The following TSHR variants were observed in gnomAD, a reference collection of about 807,000 sequenced individuals.
TSHR encodes thyrotropin receptor.
A neutral mutation model predicts 64.1 loss-of-function variants in TSHR; 51 were observed. The ratio of observed to expected loss-of-function variants is 0.80; its 90% CI spans 0.64 to 1.01. The LOEUF is 1.01. TSHR is among the 50% of genes least tolerant of loss of function. The probability of loss-of-function intolerance (pLI) is 0.00; values close to 1 mark genes in which losing one functional copy is unlikely to be tolerated. For synonymous variants in TSHR, 361 were observed against 361.9 expected, an observed-to-expected ratio of 1.00 and a Z score of 0.03; for missense variants, 877 against 942.8, an observed-to-expected ratio of 0.93 and a Z score of 0.91.
At chr14:81,134,717 C>T (rs1056040987) in intron 8 of TSHR, among the ~76,000 whole-genome samples, 1 of 151,998 alleles carries the variant, frequency 6.6e-6, no homozygotes, top group African/African-American at 2.4e-5. Context: ...GTCTGATGGA[C>T]CAGGAGGTGC....
At chr14:80,979,260 G>GAAGCATCATGCATATGTGGAGTC (rs1888048088) in intron 1 of TSHR, among the ~76,000 whole-genome samples, 1 of 79,850 alleles carries the variant, frequency 1.3e-5, no homozygotes, top group African/African-American at 4.4e-5. Flanking sequence ...TGATCTCGTA[G>GAAGCATCATGCATATGTGGAGTC]AAGCATCATG....
At chr14:81,008,396 T>C (rs545066648) in intron 1 of TSHR, among the ~76,000 whole-genome samples, 2 of 152,198 alleles carry the variant, frequency 1.3e-5, no homozygotes, top group Admixed American at 6.5e-5. Context: ...ATGGTCTCCA[T>C]CTCCTGACTT....
At chr14:80,966,674 G>A (rs977734229) in intron 1 of TSHR, among the ~76,000 whole-genome samples, 1 of 152,156 alleles carries the variant, frequency 6.6e-6, no homozygotes, top group Non-Finnish European at 1.5e-5. Context: ...TGAAGGAAGA[G>A]GGAGAAGGAA....
Position 80,955,816 on chromosome 14 carries a change from C to T in TSHR, c.136C>T (p.Arg46Cys), listed in dbSNP as rs1276734165. The T allele has an allele frequency of 6.2e-7, 1 of 1,614,106 alleles. No homozygotes were observed. Among genetic ancestry groups the T allele is most frequent in the Non-Finnish European group, 8.5e-7 (1 of 1,180,050 alleles). ...CAGAGTCACCTGCAAGGATATTCAA[C>T]GCATCCCCAGCTTACCGCCCAGTAC... ...DFRVTCKDIQ[R>C]IPSLPPSTQT... Residue 46 changes from arginine (R) to cysteine (C), a missense_variant, in exon 1 of 10, where the codon CGC (arginine) becomes TGC (cysteine). Transcript: ENST00000298171.
At chr14:81,133,775 C>A (rs1891343537) in intron 8 of TSHR, among the ~76,000 whole-genome samples, 1 of 152,104 alleles carries the variant, frequency 6.6e-6, no homozygotes, top group Admixed American at 6.6e-5. Context: ...CCAAGATACA[C>A]AAATGGCGGG....
chr14:81,096,232 G>A (rs182768112), intron 6 of TSHR, among the ~76,000 whole-genome samples: 17 of 152,168 alleles, frequency 1.1e-4, no homozygotes, highest in South Asian at 4.2e-4. Context: ...AAAAACATAC[G>A]CATTCAGATG....
intron 8 of TSHR, among the ~76,000 whole-genome samples, chr14:81,132,947 A>C (rs1006333427): frequency 4.6e-5 from 7 of 152,154 alleles, no homozygotes; most frequent in Admixed American, 1.3e-4. Flanking sequence ...ACCAAATAAA[A>C]CTTTGGGTGA....
intron 8 of TSHR, among the ~76,000 whole-genome samples, chr14:81,109,598 T>C (rs1318760434): frequency 6.6e-6 from 1 of 152,176 alleles, no homozygotes; most frequent in East Asian, 1.9e-4. Context: ...CCCTCAGGTG[T>C]CAGGTAGGGG....
In TSHR at chr14:81,144,420, C is replaced by A; in HGVS notation, c.*67C>A. On this transcript the variant is annotated 3_prime_UTR_variant, in exon 10 of 10. Transcript: ENST00000298171. Reference sequence around the variant, plus strand: ...ATAATAGTTTCTTGAATATGCATTCCAATCCCATGACACCCCCAACACATA... The same window carrying A: ...ATAATAGTTTCTTGAATATGCATTCAAATCCCATGACACCCCCAACACATA... 1 of 1,518,414 alleles carries A rather than the reference C, an allele frequency of 6.6e-7. No individual in the cohort carries two copies. The highest frequency in any genetic ancestry group is 9.1e-7 in the Non-Finnish European group (1 of 1,100,984). 94.1% of individuals were successfully genotyped at this position (1,518,414 alleles called of 1,614,324 possible). A position where few individuals can be genotyped will look rare whatever the true frequency, so the allele number is the denominator to read the frequency against.
At chr14:81,096,831 A>AGGTTCT in intron 7 of TSHR, 124 bp downstream of exon 7, 1 of 1,103,042 alleles carries the variant, frequency 9.1e-7, no homozygotes, top group African/African-American at 1.6e-5. Flanking sequence ...TAGTGTGACC[A>AGGTTCT]ACATGGAAAT....
chr14:81,108,098 G>A (rs1266041959), intron 7 of TSHR, among the ~76,000 whole-genome samples: 1 of 151,900 alleles, frequency 6.6e-6, no homozygotes, highest in East Asian at 1.9e-4. Context: ...TGAAAAATAG[G>A]GAATTAAAAC....
chr14:80,955,979 T>C, intron 1 of TSHR, 129 bp downstream of exon 1: 1 of 1,119,506 alleles, frequency 8.9e-7, no homozygotes. Context: ...TGTGAGTGAA[T>C]GTCTGTGTGT....
chr14:81,089,536 T>C (rs1327553254), intron 4 of TSHR, among the ~76,000 whole-genome samples: 1 of 152,100 alleles, frequency 6.6e-6, no homozygotes, highest in Non-Finnish European at 1.5e-5. Context: ...GTTGAGGAGA[T>C]GTGTATGAAA....
In TSHR at chr14:81,087,780, A is replaced by G. The variant is rs1009765790; in HGVS notation, c.318-174A>G. On this transcript the variant is annotated intron_variant, in intron 3 of 9. Transcript: ENST00000298171. ...AGCCATTGGGTCCCCGTGAGGAGAC[A>G]GGAGTAGTTTGTCATTGATGGGACC... 1.2e-5 allele frequency: 8 copies of G among 683,028 alleles called. No individual in the cohort carries two copies. The African/African-American group carries it at 1.2e-4, about 11-fold the overall frequency. The allele number at this position is 683,028 out of a possible 1,614,324, so 42.3% of individuals were successfully genotyped here.
intron 1 of TSHR, among the ~76,000 whole-genome samples, chr14:80,980,093 G>A (rs181357784): frequency 2.0e-3 from 306 of 152,168 alleles, no homozygotes; most frequent in Middle Eastern, 3.4e-3. Flanking sequence ...TATTATTTCA[G>A]CCACTTTGAA....
chr14:80,986,461 C>T (rs1888451459), intron 1 of TSHR, among the ~76,000 whole-genome samples: 1 of 148,280 alleles, frequency 6.7e-6, no homozygotes, highest in Admixed American at 6.7e-5. Flanking sequence ...TTTCCTCATT[C>T]TGTCATTCTT....
At position 81,067,671 on chromosome 14, in the gene TSHR, G is replaced by T. The variant is rs188756995; in HGVS notation, c.243-583G>T. On this transcript the variant is annotated intron_variant, in intron 2 of 9. Transcript: ENST00000298171. The stretch of plus-strand genomic sequence containing the variant: ...ATTTGACTCATCCTTCATAAACTCT[G>T]ATTTAATTATCCTAGACCAGGTCTT... Among the ~76,000 whole-genome samples the T allele has an allele frequency of 1.2e-3, 176 of 149,012 alleles. 1 individual carries two copies. Among genetic ancestry groups the T allele is most frequent in the African/African-American group, 4.2e-3 (170 of 40,832 alleles).
At chr14:81,010,516 T>C (rs1022702177) in intron 1 of TSHR, among the ~76,000 whole-genome samples, 2 of 152,070 alleles carry the variant, frequency 1.3e-5, no homozygotes, top group African/African-American at 2.4e-5. Flanking sequence ...TAAATTTACA[T>C]TTTCTAAATG....
intron 2 of TSHR, among the ~76,000 whole-genome samples, chr14:81,066,345 C>T (rs1886608959): frequency 6.6e-6 from 1 of 152,190 alleles, no homozygotes; most frequent in African/African-American, 2.4e-5. Flanking sequence ...TAAATCCCCA[C>T]AGTCTCTACA....
Sources: gnomAD v4.1 joint callset for allele counts (sites outside exome capture counted in the v4.1 genomes callset) on GRCh38, gnomAD v4.1.1 for gene constraint, MANE v1.5 for transcripts, NCBI Gene and HGNC (gene_info 2026-07-23, HGNC 2026-07-21) for gene names.